The following RIC3 variants were observed in gnomAD, a reference collection of about 807,000 sequenced individuals.
RIC3 encodes RIC3 acetylcholine receptor chaperone.
A neutral mutation model predicts 27.3 loss-of-function variants in RIC3; 28 were observed. The observed-to-expected ratio is 1.02, with a 90% confidence interval of 0.76 to 1.41. RIC3 has a LOEUF of 1.41. RIC3 is among the 40% of genes most tolerant of loss of function. RIC3 has a pLI of 0.00. For synonymous variants in RIC3, 184 were observed against 160.4 expected (o/e 1.15, Z -1.11); for missense variants, 501 against 444.7 (o/e 1.13, Z -1.14).
chr11:8,093,950 T>A, the RIC3 span: 7 of 1,494,126 alleles, frequency 4.7e-6, no homozygotes, highest in Admixed American at 1.7e-5. Context: ...CGGGGTGCAG[T>A]CAAAAATGCT....
chr11:8,139,636 ATTTTTTTTTTT>A (rs72265360), intron 2 of RIC3: 13 of 90,140 alleles, frequency 1.4e-4, no homozygotes, highest in South Asian at 3.0e-4. Flanking sequence ...AAAGATGTTA[ATTTTTTTTTTT>A]TTTTTTTTTT....
At chr11:8,141,054 C>A (rs544782620) in intron 1 of RIC3, among the ~76,000 whole-genome samples, 4 of 148,822 alleles carry the variant, frequency 2.7e-5, no homozygotes, top group Non-Finnish European at 4.4e-5. Context: ...AAAGGAACAA[C>A]CGGTACCAGC....
At chr11:8,095,441 A>G in the RIC3 span, 1 of 1,545,324 alleles carries the variant, frequency 6.5e-7, no homozygotes. Flanking sequence ...ACGTCTGAGA[A>G]TCCAGGCCCT....
chr11:8,101,980 C>A, downstream of RIC3: 1 of 265,296 alleles, frequency 3.8e-6, no homozygotes, highest in Non-Finnish European at 7.2e-6. Context: ...AAGCACACTG[C>A]AGGGCTGCTG....
At chr11:8,152,694 A>C (rs59552120) in intron 1 of RIC3, among the ~76,000 whole-genome samples, 3,462 of 152,248 alleles carry the variant, frequency 0.023, 126 homozygotes, top group African/African-American at 0.08. Flanking sequence ...TATACTAAAA[A>C]CTACAGTGAC....
Position 8,142,582 on chromosome 11 carries a change from G to A in RIC3, c.125-2389C>T, listed in dbSNP as rs957326941. On this transcript the variant is annotated intron_variant, in intron 1 of 5. Coordinates refer to ENST00000309737, the MANE Select transcript of RIC3 (RefSeq NM_001206671.4). ...TCCAGGACCAGATGGATTCACAGCCGAATTCTATCAGAGGTACAAGGAGGA... is the reference window on the plus strand; with the variant it reads ...TCCAGGACCAGATGGATTCACAGCCAAATTCTATCAGAGGTACAAGGAGGA... Among the ~76,000 whole-genome samples, 12 of 147,894 alleles carry A rather than the reference G, an allele frequency of 8.1e-5. 1 individual carries two copies. Among genetic ancestry groups the A allele is most frequent in the African/African-American group, 2.3e-4 (9 of 39,016 alleles).
intron 5 of RIC3, among the ~76,000 whole-genome samples, chr11:8,112,388 G>A (rs527617023): frequency 5.4e-4 from 81 of 150,972 alleles, no homozygotes; most frequent in South Asian, 1.3e-3. Context: ...CTGCCTCCCC[G>A]ATTCAAGTGA....
At chr11:8,097,629 C>G in the RIC3 span, 4 of 1,346,668 alleles carry the variant, frequency 3.0e-6, no homozygotes, top group Non-Finnish European at 4.2e-6. Flanking sequence ...GCTGACGCAA[C>G]GGAGAGAGTC....
At chr11:8,100,229 A>G in the RIC3 span, among the ~76,000 whole-genome samples, 321 of 152,314 alleles carry the variant, frequency 2.1e-3, 1 homozygote, top group Non-Finnish European at 3.9e-3. Context: ...GATGTAGAAG[A>G]GAGGACTCGA....
chr11:8,168,919 G>A lies in RIC3; in HGVS notation c.71C>T (p.Pro24Leu), dbSNP rs755634847. Residue 24 changes from proline to leucine, a missense_variant, in exon 1 of 6, where the codon CCC becomes CTC. Physicochemically the swap from Pro to Leu is moderately conservative, Grantham distance 98 (BLOSUM62 -3). Transcript: ENST00000309737. ...CTTCCCGCGGGACAGGAAGGCCTTG[G>A]GCAGCAGCAGCGACAGAGCCAGGAC... ...GLVLALSLLLPKAFLSRGKRQ... is the reference protein window; with the variant it reads ...GLVLALSLLLLKAFLSRGKRQ... 3 of 1,612,124 alleles carry A rather than the reference G, an allele frequency of 1.9e-6. No individual in the cohort carries two copies. Among genetic ancestry groups the A allele is most frequent in the Admixed American group, 1.7e-5 (1 of 59,844 alleles).
chr11:8,137,251 T>C (rs1033781475), intron 4 of RIC3, 127 bp downstream of exon 4: 1 of 730,488 alleles, frequency 1.4e-6, no homozygotes, highest in Admixed American at 2.2e-5. Flanking sequence ...CTCAAACTCC[T>C]GACCTCAGAT....
chr11:8,166,440 C>A (rs560161312), intron 1 of RIC3, among the ~76,000 whole-genome samples: 1 of 152,168 alleles, frequency 6.6e-6, no homozygotes. Context: ...GACATAACAA[C>A]ATGTATTTTT....
the RIC3 span, chr11:8,098,732 C>T: frequency 1.3e-6 from 2 of 1,554,286 alleles, no homozygotes; most frequent in Non-Finnish European, 8.9e-7. Context: ...GTGCATGACT[C>T]TATACTGATT....
At chr11:8,157,988 A>G (rs1950822993) in intron 1 of RIC3, among the ~76,000 whole-genome samples, 2 of 152,190 alleles carry the variant, frequency 1.3e-5, no homozygotes, top group South Asian at 4.1e-4. Flanking sequence ...TCTGTCCTTC[A>G]AACATTCCTT....
chr11:8,095,687 T>C, the RIC3 span: 1 of 1,567,640 alleles, frequency 6.4e-7, no homozygotes, highest in Non-Finnish European at 8.7e-7. Context: ...GGGGACCCAG[T>C]GATACCCCCA....
chr11:8,128,085 T>G (rs1947202098), intron 4 of RIC3: 2 of 394,362 alleles, frequency 5.1e-6, no homozygotes, highest in South Asian at 3.8e-5. Flanking sequence ...GGGCCTCTGA[T>G]AGCTCTATTC....
chr11:8,145,182 A>T (rs1277401725), intron 1 of RIC3, among the ~76,000 whole-genome samples: 2 of 121,716 alleles, frequency 1.6e-5, no homozygotes, highest in South Asian at 5.6e-4. Context: ...AAGTATAATA[A>T]AAAAAAATTA....
intron 1 of RIC3, among the ~76,000 whole-genome samples, chr11:8,168,499 G>A (rs190350956): frequency 6.6e-6 from 1 of 152,320 alleles, no homozygotes; most frequent in Admixed American, 6.5e-5. Context: ...AACCTAAAGA[G>A]GGAAACCCAA....
At chr11:8,167,946 G>A (rs1211097342) in intron 1 of RIC3, among the ~76,000 whole-genome samples, 1 of 152,216 alleles carries the variant, frequency 6.6e-6, no homozygotes, top group Admixed American at 6.5e-5. Context: ...ATGCTCAAGA[G>A]AATGGAACTA....
Sources: gnomAD v4.1 joint callset for allele counts (sites outside exome capture counted in the v4.1 genomes callset) on GRCh38, gnomAD v4.1.1 for gene constraint, MANE v1.5 for transcripts, NCBI Gene and HGNC (gene_info 2026-07-23, HGNC 2026-07-21) for gene names.